Variants in SRGAP2C observed in about 807,000 individuals in gnomAD.
SRGAP2C encodes SLIT-ROBO Rho GTPase-activating protein 2C.
In SRGAP2C, 15 loss-of-function variants were observed where a neutral mutation model predicts 25.1. The ratio of observed to expected loss-of-function variants is 0.60; its 90% CI spans 0.40 to 0.92. The LOEUF (loss-of-function observed/expected upper bound fraction) is 0.92. Ranked by LOEUF, SRGAP2C falls within the 40% of genes least tolerant of loss-of-function variation. SRGAP2C has a pLI of 0.00. For synonymous variants in SRGAP2C, 44 were observed against 96.6 expected (o/e 0.46, Z 3.19); for missense variants, 144 against 264.4 (o/e 0.54, Z 3.16).
At chr1:121,287,858 C>G (rs1657409537) in intron 3 of SRGAP2C, among the ~76,000 whole-genome samples, 1 of 151,614 alleles carries the variant, frequency 6.6e-6, no homozygotes, top group South Asian at 2.1e-4. Flanking sequence ...GCTCTTAAGG[C>G]AGCGCGTCTG....
intron 4 of SRGAP2C, chr1:121,362,164 CT>C (rs1312012910): frequency 1.4e-5 from 1 of 72,632 alleles, no homozygotes; most frequent in Non-Finnish European, 2.7e-5. Context: ...TGGGGCCACG[CT>C]TTCCCCCAAA....
At chr1:121,207,922 G>C (rs2101411174) in intron 2 of SRGAP2C, among the ~76,000 whole-genome samples, 1 of 152,270 alleles carries the variant, frequency 6.6e-6, no homozygotes, top group East Asian at 1.9e-4. Context: ...ACCACAGTTT[G>C]GTAGAAAAAA....
rs587706203 is a variant in SRGAP2C, at chr1:121,260,189, G to C, written c.68-24614G>C. Among the ~76,000 whole-genome samples, 88 of 149,102 alleles carry C rather than the reference G, an allele frequency of 5.9e-4. 2 individuals are homozygous for C. The South Asian group carries it at 0.019, about 32-fold the overall frequency. ...GGCCCAGGTTGCATTTTAAAATAAGGGGTAGGGAGCTTTTAGATGAGGCCT... is the reference window on the plus strand; with the variant it reads ...GGCCCAGGTTGCATTTTAAAATAAGCGGTAGGGAGCTTTTAGATGAGGCCT... On this transcript the variant is annotated intron_variant, in intron 2 of 9. Transcript: ENST00000367123.
chr1:121,293,782 GC>G (rs1238188217), intron 3 of SRGAP2C, among the ~76,000 whole-genome samples: 1 of 116,298 alleles, frequency 8.6e-6, no homozygotes, highest in African/African-American at 3.4e-5. Context: ...GGCTAGCAAT[GC>G]CATGAATTTG....
intron 3 of SRGAP2C, among the ~76,000 whole-genome samples, chr1:121,316,124 C>T (rs1475497292): frequency 7.3e-6 from 1 of 137,816 alleles, no homozygotes; most frequent in South Asian, 2.4e-4. Context: ...GACTCATTGT[C>T]CCAGGGACGG....
chr1:121,263,464 CT>C (rs1175726610), intron 2 of SRGAP2C, among the ~76,000 whole-genome samples: 1 of 145,544 alleles, frequency 6.9e-6, no homozygotes. Context: ...CAGTGCTTTT[CT>C]TTGTTGGAAC....
At chr1:121,295,821 G>A (rs1322177995) in intron 3 of SRGAP2C, among the ~76,000 whole-genome samples, 2 of 151,978 alleles carry the variant, frequency 1.3e-5, no homozygotes, top group Non-Finnish European at 2.9e-5. Context: ...GAGTGCAATG[G>A]CACGATCTCA....
At chr1:121,311,020 G>T (rs1340062340) in intron 3 of SRGAP2C, among the ~76,000 whole-genome samples, 4 of 19,160 alleles carry the variant, frequency 2.1e-4, no homozygotes, top group Admixed American at 1.2e-3. Context: ...GGGCAGTATG[G>T]CCATTTTCAC....
intron 2 of SRGAP2C, among the ~76,000 whole-genome samples, chr1:121,233,103 G>C: frequency 8.0e-6 from 1 of 125,690 alleles, no homozygotes; most frequent in Middle Eastern, 4.2e-3. Flanking sequence ...GAGTAGCTGA[G>C]TTCAAACAAC....
intron 4 of SRGAP2C, among the ~76,000 whole-genome samples, chr1:121,358,769 ATT>A (rs1161491118): frequency 5.7e-5 from 4 of 70,690 alleles, no homozygotes; most frequent in African/African-American, 1.1e-4. Flanking sequence ...TTGAAATCAG[ATT>A]TTTTTTTTTT....
chr1:121,207,884 T>A (rs1655155599), intron 2 of SRGAP2C, among the ~76,000 whole-genome samples: 1 of 152,116 alleles, frequency 6.6e-6, no homozygotes, highest in Non-Finnish European at 1.5e-5. Context: ...GTAACAGAGA[T>A]TACCCACAGT....
chr1:121,287,562 T>C (rs1212100141), intron 3 of SRGAP2C, among the ~76,000 whole-genome samples: 1 of 151,982 alleles, frequency 6.6e-6, no homozygotes, highest in Non-Finnish European at 1.5e-5. Context: ...ATTTGATTTT[T>C]AGTACTATAT....
intron 2 of SRGAP2C, among the ~76,000 whole-genome samples, chr1:121,237,255 AAGCTAGG>A (rs1483109583): frequency 1.4e-5 from 2 of 144,080 alleles, no homozygotes; most frequent in East Asian, 4.2e-4. Flanking sequence ...AGTAGGGAAA[AAGCTAGG>A]AGCTTTGCTC....
intron 3 of SRGAP2C, among the ~76,000 whole-genome samples, chr1:121,324,054 CT>C (rs1366362957): frequency 6.6e-6 from 1 of 152,188 alleles, no homozygotes; most frequent in Non-Finnish European, 1.5e-5. Flanking sequence ...TGCCCTCTTA[CT>C]TGTTGTGTTA....
At chr1:121,309,629 T>C (rs1307235150) in intron 3 of SRGAP2C, among the ~76,000 whole-genome samples, 3 of 149,306 alleles carry the variant, frequency 2.0e-5, no homozygotes, top group African/African-American at 7.4e-5. Flanking sequence ...TGTGTCCATG[T>C]GATCTCATTG....
intron 2 of SRGAP2C, among the ~76,000 whole-genome samples, chr1:121,263,511 T>A (rs587637931): frequency 6.6e-6 from 1 of 151,822 alleles, no homozygotes; most frequent in Admixed American, 6.6e-5. Flanking sequence ...CATTGATTTT[T>A]AAAATTACTA....
rs782104278 is a variant in SRGAP2C at position 121,374,869 on chromosome 1, C to A, written c.746C>A (p.Ala249Asp). 3 of 779,196 alleles carry A rather than the reference C, an allele frequency of 3.9e-6. No homozygotes were observed. The African/African-American group carries it at 5.1e-5, about 13-fold the overall frequency. The allele number at this position is 779,196 out of a possible 1,614,324, so 48.3% of individuals were successfully genotyped here. A position where few individuals can be genotyped will look rare whatever the true frequency, so the allele number is the denominator to read the frequency against. The change falls in exon 7 of 10, where the codon GCC becomes GAC. Residue 249 changes from alanine to aspartate, a missense_variant. Around this residue, in one of 5 missense-constraint regions of SRGAP2C, gnomAD observed 34 missense variants for 23.0 expected, o/e 1.48. Coordinates refer to ENST00000367123, the MANE Select transcript of SRGAP2C (RefSeq NM_001329984.2). ...YTENKLKAIK[A>D]QNEYLLALEA... Reference sequence around the variant, plus strand: ...GAGAATAAGCTGAAGGCCATCAAAGCCCAGAATGAGTACTTGCTGGCTTTG... The same window carrying A: ...GAGAATAAGCTGAAGGCCATCAAAGACCAGAATGAGTACTTGCTGGCTTTG...
chr1:121,362,689 G>C (rs1553348826), intron 4 of SRGAP2C: 2 of 151,590 alleles, frequency 1.3e-5, no homozygotes, highest in African/African-American at 4.9e-5. Flanking sequence ...TGATACTCAT[G>C]GTCACTTCCT....
chr1:121,353,031 A>G (rs1169544557), intron 4 of SRGAP2C, among the ~76,000 whole-genome samples: 1 of 151,004 alleles, frequency 6.6e-6, no homozygotes, highest in Non-Finnish European at 1.5e-5. Flanking sequence ...CAGAGCTTGC[A>G]GTGAAACGAG....
Sources: allele counts gnomAD v4.1 joint callset (sites outside exome capture counted in the v4.1 genomes callset), GRCh38; gene constraint gnomAD v4.1.1; regional missense constraint gnomAD v4.1.1; transcripts MANE v1.5; gene names NCBI Gene and HGNC (gene_info 2026-07-23, HGNC 2026-07-21).